Variants in STX5 observed in about 807,000 individuals in gnomAD.
The protein encoded by STX5 is syntaxin 5.
STX5 carries 15 observed loss-of-function variants against 42.9 expected under a neutral mutation model. The ratio of observed to expected loss-of-function variants is 0.35; its 90% CI spans 0.23 to 0.54. The LOEUF is 0.54. Ranked by LOEUF, STX5 falls within the 20% of genes least tolerant of loss-of-function variation. The pLI, the probability that STX5 is intolerant of heterozygous loss-of-function variation, is 0.91. For synonymous variants in STX5, 184 were observed against 173.2 expected (o/e 1.06, Z -0.49); for missense variants, 430 against 455.0 (o/e 0.95, Z 0.50).
At chr11:62,821,616 C>T (rs2084741031) in intron 10 of STX5, among the ~76,000 whole-genome samples, 1 of 151,926 alleles carries the variant, frequency 6.6e-6, no homozygotes, top group African/African-American at 2.4e-5. Flanking sequence ...CCCAGCTACT[C>T]GGGAGGCTGA....
At chr11:62,815,381 A>G (rs752905911) in intron 10 of STX5, among the ~76,000 whole-genome samples, 2 of 151,946 alleles carry the variant, frequency 1.3e-5, no homozygotes, top group Non-Finnish European at 2.9e-5. Context: ...CACTCACTGG[A>G]TAATACATAA....
chr11:62,817,178 T>G (rs372372815), intron 10 of STX5, among the ~76,000 whole-genome samples: 4 of 152,208 alleles, frequency 2.6e-5, no homozygotes, highest in African/African-American at 7.2e-5. Context: ...TCCACCTGCC[T>G]CAGCCTCCCA....
rs980152691 is a variant in STX5, at chr11:62,820,670, G to A, written c.908+3496C>T. Among the ~76,000 whole-genome samples the A allele has an allele frequency of 1.1e-4, 16 of 151,484 alleles. No individual in the cohort carries two copies. In the East Asian group the frequency reaches 2.6e-3, roughly 25 times the overall value. ...TGCGCAGGTACCCACTACCACGCCC[G>A]GCTAATTTTTTGTCTATTTTCAGTA... On this transcript the variant is annotated intron_variant, in intron 10 of 10. Transcript: ENST00000294179.
intron 10 of STX5, among the ~76,000 whole-genome samples, chr11:62,817,283 A>C (rs2084684389): frequency 6.6e-6 from 1 of 152,106 alleles, no homozygotes; most frequent in Non-Finnish European, 1.5e-5. Context: ...CCTCTATTGA[A>C]TCTGACTCAA....
At chr11:62,827,768 T>G in intron 2 of STX5, 137 bp from the exon 3 acceptor site, 2 of 844,986 alleles carry the variant, frequency 2.4e-6, no homozygotes, top group Non-Finnish European at 3.7e-6. Context: ...TGAGTGGTAG[T>G]CGTTTAGAGT....
At position 62,824,236 on chromosome 11, in the gene STX5, T is replaced by C. The variant is rs746728730; in HGVS notation, c.838A>G (p.Ile280Val). ...TGAAAGATGGAGCCCAACTCAACAA[T>C]TGTCGACTCAATGTTCTGCATGGTG... ...ADTMQNIESTIVELGSIFQQL... is the reference protein window; with the variant it reads ...ADTMQNIESTVVELGSIFQQL... Residue 280 changes from isoleucine (I) to valine (V), a missense_variant, in exon 10 of 11, where the codon ATT becomes GTT. Transcript: ENST00000294179. The C allele has an allele frequency of 7.4e-6, 12 of 1,614,056 alleles. No homozygotes were observed. The highest frequency in any genetic ancestry group is 1.7e-5 in the Admixed American group (1 of 59,988).
intron 10 of STX5, among the ~76,000 whole-genome samples, chr11:62,813,493 A>C (rs1376702078): frequency 1.3e-5 from 2 of 152,210 alleles, no homozygotes; most frequent in African/African-American, 2.4e-5. Context: ...ACATCTCTCG[A>C]ATCAGAATCT....
intron 10 of STX5, among the ~76,000 whole-genome samples, chr11:62,810,515 T>C (rs148493305): frequency 1.7e-3 from 252 of 152,320 alleles, no homozygotes; most frequent in African/African-American, 5.6e-3. Context: ...TGAGTGTTTA[T>C]TGTGCTATCC....
At chr11:62,828,668 G>A (rs1392609636) in intron 2 of STX5, among the ~76,000 whole-genome samples, 5 of 152,166 alleles carry the variant, frequency 3.3e-5, no homozygotes, top group Admixed American at 1.3e-4. Flanking sequence ...GGAGGCTGCC[G>A]TGAGCCAAGA....
At chr11:62,823,176 C>CT (rs1425852778) in intron 10 of STX5, among the ~76,000 whole-genome samples, 1 of 146,176 alleles carries the variant, frequency 6.8e-6, no homozygotes, top group Non-Finnish European at 1.5e-5. Flanking sequence ...TACTTAGTCA[C>CT]TTTCTTTTTT....
At chr11:62,816,649 C>T (rs576135811) in intron 10 of STX5, among the ~76,000 whole-genome samples, 2 of 150,714 alleles carry the variant, frequency 1.3e-5, no homozygotes, top group African/African-American at 4.9e-5. Flanking sequence ...CATTTCCTTT[C>T]TCCATTTTGA....
At chr11:62,828,762 C>CAAAT (rs112511037) in intron 2 of STX5, among the ~76,000 whole-genome samples, 7,629 of 148,666 alleles carry the variant, frequency 0.051, 678 homozygotes, top group African/African-American at 0.18. Context: ...AACAAACAAA[C>CAAAT]AAATAAATAA....
Position 62,809,502 on chromosome 11 carries a change from G to A in STX5, c.909-1874C>T, listed in dbSNP as rs868086731. On this transcript the variant is annotated intron_variant, in intron 10 of 10. Coordinates refer to ENST00000294179, the MANE Select transcript of STX5 (RefSeq NM_003164.5). The stretch of plus-strand genomic sequence containing the variant: ...ATCCTGGCTAACACGGTGAAACCCC[G>A]TCTCTACTAAAAATACAAAAAATTA... 6.8e-4 allele frequency among the ~76,000 whole-genome samples: 102 copies of A among 149,960 alleles called. 1 individual carries two copies. Among genetic ancestry groups the A allele is most frequent in the Admixed American group, 1.4e-3 (21 of 15,016 alleles).
At chr11:62,810,823 T>C (rs770552476) in intron 10 of STX5, among the ~76,000 whole-genome samples, 7 of 152,240 alleles carry the variant, frequency 4.6e-5, no homozygotes, top group Non-Finnish European at 7.3e-5. Flanking sequence ...CATCCTTTCA[T>C]AAATTTATTT....
intron 10 of STX5, among the ~76,000 whole-genome samples, chr11:62,818,145 T>C (rs1485889522): frequency 1.3e-5 from 2 of 149,222 alleles, no homozygotes; most frequent in African/African-American, 5.0e-5. Context: ...CTCAGGAGGC[T>C]GAGGCAGGAG....
At chr11:62,819,805 C>T (rs1330185033) in intron 10 of STX5, among the ~76,000 whole-genome samples, 1 of 151,934 alleles carries the variant, frequency 6.6e-6, no homozygotes, top group African/African-American at 2.4e-5. Context: ...GTGATTCTCC[C>T]ACCTCTGGCT....
rs767870158 is a variant in STX5, at chr11:62,824,612, GT to G, written c.680-48del. ...GGCACACCTTAACAGTTAAAAGCAG[GT>G]TCAAAGCCCACATGCTCTGGGTTTG... On this transcript the variant is annotated intron_variant, in intron 8 of 10. Transcript: ENST00000294179. 4 of 1,580,510 alleles carry G rather than the reference GT, an allele frequency of 2.5e-6. No individual in the cohort carries two copies. In the East Asian group the frequency reaches 9.0e-5, roughly 35 times the overall value.
chr11:62,812,867 C>T (rs1217844795), intron 10 of STX5, among the ~76,000 whole-genome samples: 3 of 151,576 alleles, frequency 2.0e-5, no homozygotes, highest in Admixed American at 2.0e-4. Flanking sequence ...AATCCCAGCA[C>T]TTTGGGAGGC....
chr11:62,822,625 A>C (rs145753411), intron 10 of STX5, among the ~76,000 whole-genome samples: 2 of 143,530 alleles, frequency 1.4e-5, no homozygotes, highest in African/African-American at 2.6e-5. Context: ...AATAGGGCCT[A>C]CCTCCCTCCA....
Sources: allele counts gnomAD v4.1 joint callset (sites outside exome capture counted in the v4.1 genomes callset), GRCh38; gene constraint gnomAD v4.1.1; transcripts MANE v1.5; gene names NCBI Gene and HGNC (gene_info 2026-07-23, HGNC 2026-07-21).